The following SAMD5 variants were observed in gnomAD, a reference collection of about 807,000 sequenced individuals.
SAMD5 encodes sterile alpha motif domain-containing protein 5.
SAMD5 carries 13 observed loss-of-function variants against 11.3 expected under a neutral mutation model. That is an observed-to-expected ratio of 1.15 (90% CI 0.75 to 1.83). The LOEUF (loss-of-function observed/expected upper bound fraction) is 1.83, where lower values mean the gene tolerates loss of function less well. Among genes scored for constraint, SAMD5 ranks in the 40% most tolerant of loss-of-function variants. The probability of loss-of-function intolerance (pLI) is 0.00; values close to 1 mark genes in which losing one functional copy is unlikely to be tolerated. For missense variants in SAMD5, 255 were observed against 239.1 expected (o/e 1.07, Z -0.44); for synonymous variants, 129 against 111.3 (o/e 1.16, Z -1.00).
chr6:147,886,978 G>A, the SAMD5 span, among the ~76,000 whole-genome samples: 3 of 152,176 alleles, frequency 2.0e-5, no homozygotes, highest in East Asian at 5.8e-4. Context: ...CTGACATCTT[G>A]ATTGCAGCTA....
chr6:147,830,251 C>CTTTTTTTTTTT, the SAMD5 span, among the ~76,000 whole-genome samples: 43 of 84,926 alleles, frequency 5.1e-4, no homozygotes, highest in African/African-American at 8.4e-4. Flanking sequence ...TTCTTTCTTT[C>CTTTTTTTTTTT]TTTTTTTTTT....
the SAMD5 span, among the ~76,000 whole-genome samples, chr6:147,743,543 C>T: frequency 6.6e-6 from 1 of 151,996 alleles, no homozygotes; most frequent in Non-Finnish European, 1.5e-5. Context: ...CAACTATTCA[C>T]ATACTATAGA....
At chr6:147,913,053 C>G in the SAMD5 span, among the ~76,000 whole-genome samples, 1 of 152,066 alleles carries the variant, frequency 6.6e-6, no homozygotes, top group South Asian at 2.1e-4. Flanking sequence ...CACTCTCTAT[C>G]CTTTCAATCC....
intron 1 of SAMD5, among the ~76,000 whole-genome samples, chr6:147,700,685 A>G (rs1791241973): frequency 6.6e-6 from 1 of 152,236 alleles, no homozygotes; most frequent in Non-Finnish European, 1.5e-5. Flanking sequence ...TCTACATTAG[A>G]AGTATGTACC....
chr6:147,629,322 AT>A (rs5880719), intron 1 of SAMD5, among the ~76,000 whole-genome samples: 65,519 of 150,910 alleles, frequency 0.43, 15,337 homozygotes, highest in Middle Eastern at 0.55. Flanking sequence ...AAAAATAATA[AT>A]AAAAAAAATC....
chr6:147,584,342 A>T (rs894326607), intron 1 of SAMD5, among the ~76,000 whole-genome samples: 32 of 152,182 alleles, frequency 2.1e-4, no homozygotes, highest in Non-Finnish European at 7.4e-5. Context: ...TTTATCTTGT[A>T]TTATATTGAT....
chr6:147,594,985 C>T (rs967134906), intron 1 of SAMD5, among the ~76,000 whole-genome samples: 2 of 152,136 alleles, frequency 1.3e-5, no homozygotes, highest in African/African-American at 4.8e-5. Context: ...CTTTTCTAAC[C>T]CCAGGTGGAA....
chr6:147,610,371 G>A (rs1000031332), intron 1 of SAMD5, among the ~76,000 whole-genome samples: 1 of 152,170 alleles, frequency 6.6e-6, no homozygotes, highest in African/African-American at 2.4e-5. Context: ...CGGTGTTGGT[G>A]CAACGACGAC....
chr6:147,542,433 C>T (rs1406436883), intron 1 of SAMD5, among the ~76,000 whole-genome samples: 5 of 152,160 alleles, frequency 3.3e-5, no homozygotes, highest in African/African-American at 7.2e-5. Flanking sequence ...CACACAGAGC[C>T]GTCTGTGTGG....
chr6:147,566,486 T>A lies in SAMD5; in HGVS notation c.*2030T>A. On this transcript the variant is annotated 3_prime_UTR_variant, in exon 2 of 2. Coordinates refer to ENST00000367474, the MANE Select transcript of SAMD5 (RefSeq NM_001030060.3). ...TTTGCATGTACTTGTTGAACTTTGCTAGGAAGGACTCAATTTTTGAAAAAT... is the reference window on the plus strand; with the variant it reads ...TTTGCATGTACTTGTTGAACTTTGCAAGGAAGGACTCAATTTTTGAAAAAT... The A allele has an allele frequency of 1.0e-6, 1 of 985,798 alleles. No individual in the cohort carries two copies. Among genetic ancestry groups the A allele is most frequent in the Non-Finnish European group, 1.2e-6 (1 of 829,872 alleles). The allele number at this position is 985,798 out of a possible 1,614,324, so 61.1% of individuals were successfully genotyped here.
chr6:147,779,467 TC>T, the SAMD5 span, among the ~76,000 whole-genome samples: 1 of 151,862 alleles, frequency 6.6e-6, no homozygotes, highest in Non-Finnish European at 1.5e-5. Flanking sequence ...CCTGAGCAGC[TC>T]TACATTCTTC....
the SAMD5 span, among the ~76,000 whole-genome samples, chr6:147,801,307 A>G: frequency 6.6e-6 from 1 of 151,850 alleles, no homozygotes; most frequent in Non-Finnish European, 1.5e-5. Context: ...ATTTTTTTTT[A>G]GTTTGTTCCC....
At chr6:147,725,607 T>C (rs1281271707) in intron 1 of SAMD5, among the ~76,000 whole-genome samples, 1 of 152,214 alleles carries the variant, frequency 6.6e-6, no homozygotes, top group Non-Finnish European at 1.5e-5. Context: ...CAGGCTGGTC[T>C]CGAACTCCTG....
At chr6:147,624,187 A>G (rs2128450565) in intron 1 of SAMD5, among the ~76,000 whole-genome samples, 1 of 152,310 alleles carries the variant, frequency 6.6e-6, no homozygotes, top group South Asian at 2.1e-4. Flanking sequence ...AAATTCTGAA[A>G]TCAATGGAGA....
At chr6:147,909,618 T>TCTC in the SAMD5 span, among the ~76,000 whole-genome samples, 3 of 76,412 alleles carry the variant, frequency 3.9e-5, no homozygotes, top group African/African-American at 1.7e-4. Context: ...CTTTCTTTCT[T>TCTC]TCTTTCTTTC....
At chr6:147,932,595 T>G in the SAMD5 span, among the ~76,000 whole-genome samples, 1 of 24,646 alleles carries the variant, frequency 4.1e-5, no homozygotes, top group Non-Finnish European at 7.2e-5. Flanking sequence ...GAATTGTGTG[T>G]GTGTGTGTGT....
At chr6:147,737,249 G>A (rs572032213) in intron 1 of SAMD5, 43 of 934,132 alleles carry the variant, frequency 4.6e-5, no homozygotes, top group East Asian at 6.9e-5. Flanking sequence ...CCCCTTCACC[G>A]TGCTTTTTCA....
intron 1 of SAMD5, among the ~76,000 whole-genome samples, chr6:147,593,724 G>A (rs1248356002): frequency 6.6e-6 from 1 of 152,158 alleles, no homozygotes; most frequent in Non-Finnish European, 1.5e-5. Flanking sequence ...CTTCTCCATA[G>A]TCATGTCTTG....
At chr6:147,806,662 ATGTT>A in the SAMD5 span, among the ~76,000 whole-genome samples, 31 of 151,976 alleles carry the variant, frequency 2.0e-4, no homozygotes, top group Non-Finnish European at 3.5e-4. Context: ...CTTGCTCTTA[ATGTT>A]TTTTGCACCT....
Sources: allele counts gnomAD v4.1 joint callset (sites outside exome capture counted in the v4.1 genomes callset), GRCh38; gene constraint gnomAD v4.1.1; transcripts MANE v1.5; gene names NCBI Gene and HGNC (gene_info 2026-07-23, HGNC 2026-07-21).